UBR3: variants seen among roughly 807,000 people sequenced by gnomAD.
UBR3 encodes E3 ubiquitin-protein ligase UBR3.
A neutral mutation model predicts 243.2 loss-of-function variants in UBR3; 85 were observed. The observed-to-expected ratio is 0.35, with a 90% CI of 0.29 to 0.42. The LOEUF (loss-of-function observed/expected upper bound fraction) is 0.42, where lower values mean the gene tolerates loss of function less well. Among genes scored for constraint, UBR3 ranks in the 10% least tolerant of loss-of-function variants. The probability of loss-of-function intolerance (pLI) is 1.00; values close to 1 mark genes in which losing one functional copy is unlikely to be tolerated. For synonymous variants in UBR3, 748 were observed against 799.8 expected (o/e 0.94, Z 1.09); for missense variants, 1,686 against 2,300.8 (o/e 0.73, Z 5.47).
intron 24 of UBR3, among the ~76,000 whole-genome samples, chr2:169,981,529 GGAAAGTCTGA>G: frequency 6.6e-6 from 1 of 152,004 alleles, no homozygotes; most frequent in East Asian, 1.9e-4. Flanking sequence ...AAGGAAACAA[GGAAAGTCTGA>G]GAAACTGTCA....
chr2:169,926,978 C>G lies in UBR3; in HGVS notation c.2338+7C>G. The G allele has an allele frequency of 6.5e-7, 1 of 1,549,394 alleles. No individual in the cohort carries two copies. Reference sequence around the variant, plus strand: ...AGTCTTCGTTTACATTTAGGTAAAACTCACTGATACTAATACTTATGCATT... The same window carrying G: ...AGTCTTCGTTTACATTTAGGTAAAAGTCACTGATACTAATACTTATGCATT... On this transcript the variant is annotated splice_region_variant and intron_variant, in intron 16 of 38. Coordinates refer to ENST00000272793, the MANE Select transcript of UBR3 (RefSeq NM_172070.4).
chr2:169,913,067 G>A (rs559927686), intron 10 of UBR3, among the ~76,000 whole-genome samples: 3 of 152,164 alleles, frequency 2.0e-5, no homozygotes, highest in Non-Finnish European at 4.4e-5. Flanking sequence ...ATAGGCATGA[G>A]CCACTGTGCC....
intron 11 of UBR3, among the ~76,000 whole-genome samples, chr2:169,920,398 A>C (rs1220034611): frequency 6.6e-6 from 1 of 152,284 alleles, no homozygotes; most frequent in South Asian, 2.1e-4. Context: ...GCACACCAAC[A>C]TGGCACATGT....
intron 30 of UBR3, among the ~76,000 whole-genome samples, chr2:170,024,021 CTT>C (rs1344741468): frequency 6.6e-6 from 1 of 152,068 alleles, no homozygotes; most frequent in Admixed American, 6.6e-5. Flanking sequence ...TGGGATAACT[CTT>C]TAATGTCTTT....
chr2:169,872,629 T>G (rs1284402536), intron 2 of UBR3, among the ~76,000 whole-genome samples: 1 of 152,168 alleles, frequency 6.6e-6, no homozygotes, highest in Non-Finnish European at 1.5e-5. Flanking sequence ...TTTGAGCTTT[T>G]GCAGATGAGG....
chr2:169,961,898 G>A (rs1033932274), intron 24 of UBR3, among the ~76,000 whole-genome samples: 3 of 127,834 alleles, frequency 2.3e-5, no homozygotes, highest in African/African-American at 5.6e-5. Context: ...TTTGATAACT[G>A]GTATAGTCAT....
At position 170,032,292 on chromosome 2, in the gene UBR3, A is replaced by G. The variant is rs1379382067; in HGVS notation, c.4556+2844A>G. Among the ~76,000 whole-genome samples the G allele has an allele frequency of 3.9e-5, 6 of 152,152 alleles. No individual in the cohort carries two copies. The South Asian group carries it at 1.2e-3, about 32-fold the overall frequency. On this transcript the variant is annotated intron_variant, in intron 31 of 38. Transcript: ENST00000272793. ...AACAAAAACAAAAACAGTCACACAT[A>G]TCTGGATATTTGGATTTATAGCAGA...
At chr2:169,993,762 T>A (rs1474231559) in intron 25 of UBR3, among the ~76,000 whole-genome samples, 2 of 152,228 alleles carry the variant, frequency 1.3e-5, no homozygotes, top group Non-Finnish European at 2.9e-5. Flanking sequence ...TTGATTTTCC[T>A]TGCCTGGGTC....
intron 32 of UBR3, among the ~76,000 whole-genome samples, chr2:170,049,655 T>G (rs1574450777): frequency 6.6e-6 from 1 of 152,342 alleles, no homozygotes; most frequent in East Asian, 1.9e-4. Context: ...CTCATGATGG[T>G]CCTTTACCTT....
At chr2:169,970,150 T>A (rs925843992) in intron 24 of UBR3, among the ~76,000 whole-genome samples, 1 of 151,866 alleles carries the variant, frequency 6.6e-6, no homozygotes, top group Non-Finnish European at 1.5e-5. Flanking sequence ...TGTCCATTTT[T>A]TGGTGATGAC....
chr2:169,928,854 T>C lies in UBR3; in HGVS notation c.2552T>C (p.Met851Thr). The stretch of plus-strand genomic sequence containing the variant: ...CCTGGAGGTTCTATGCAACAAGGCA[T>C]GTATACTCCCAAAGGTATGTTTATA... Reference protein sequence around the residue: ...FEPGGSMQQGMYTPKAEVWDQ... With the variant: ...FEPGGSMQQGTYTPKAEVWDQ... The change falls in exon 18 of 39, where the codon ATG becomes ACG. Residue 851 changes from methionine to threonine, a missense_variant. By Grantham distance (81) the Met-to-Thr change is moderately conservative. Transcript: ENST00000272793. The C allele has an allele frequency of 6.8e-7, 1 of 1,475,910 alleles. No homozygotes were observed. Among genetic ancestry groups the C allele is most frequent in the Non-Finnish European group, 9.1e-7 (1 of 1,095,392 alleles). The allele number at this position is 1,475,910 out of a possible 1,614,324, so 91.4% of individuals were successfully genotyped here.
intron 1 of UBR3, among the ~76,000 whole-genome samples, chr2:169,845,523 TCGTCGTCG>T (rs1447821696): frequency 1.4e-5 from 2 of 139,608 alleles, no homozygotes; most frequent in African/African-American, 5.1e-5. Flanking sequence ...GTCGTCGTCG[TCGTCGTCG>T]TCTTCTTCTT....
At chr2:169,834,867 A>G (rs1489330482) in intron 1 of UBR3, among the ~76,000 whole-genome samples, 1 of 152,242 alleles carries the variant, frequency 6.6e-6, no homozygotes, top group Non-Finnish European at 1.5e-5. Context: ...GAATGTTACA[A>G]TGTAGATAAA....
At chr2:169,984,698 A>G (rs1036641066) in intron 24 of UBR3, among the ~76,000 whole-genome samples, 3 of 152,312 alleles carry the variant, frequency 2.0e-5, no homozygotes, top group South Asian at 2.1e-4. Flanking sequence ...TACCAATAAC[A>G]TTTTAATTCA....
intron 1 of UBR3, among the ~76,000 whole-genome samples, chr2:169,846,395 A>G (rs2082478543): frequency 6.6e-6 from 1 of 152,130 alleles, no homozygotes. Context: ...TATTGTCAAC[A>G]TGGCATGTAT....
At chr2:169,983,329 TG>T (rs1266976287) in intron 24 of UBR3, among the ~76,000 whole-genome samples, 1 of 146,094 alleles carries the variant, frequency 6.8e-6, no homozygotes, top group Non-Finnish European at 1.5e-5. Context: ...GGTGTGATCT[TG>T]GCTCACTGTA....
intron 8 of UBR3, among the ~76,000 whole-genome samples, chr2:169,898,703 C>CTTTT (rs1166917127): frequency 1.7e-5 from 2 of 116,262 alleles, no homozygotes; most frequent in African/African-American, 3.2e-5. Context: ...GAGTTTCACT[C>CTTTT]TTTTTTTTTT....
At chr2:169,961,498 C>T (rs372891572) in intron 24 of UBR3, among the ~76,000 whole-genome samples, 4 of 152,102 alleles carry the variant, frequency 2.6e-5, no homozygotes, top group African/African-American at 7.2e-5. Context: ...CTTAATAATG[C>T]ATGTTTGGTA....
intron 35 of UBR3, among the ~76,000 whole-genome samples, chr2:170,066,993 T>TAATAAAAAA (rs71006067): frequency 4.9e-5 from 7 of 144,228 alleles, no homozygotes; most frequent in African/African-American, 1.8e-4. Context: ...ATAATAATAA[T>TAATAAAAAA]AAACTTCATT....
Sources: allele counts gnomAD v4.1 joint callset (sites outside exome capture counted in the v4.1 genomes callset), GRCh38; gene constraint gnomAD v4.1.1; transcripts MANE v1.5; gene names NCBI Gene and HGNC (gene_info 2026-07-23, HGNC 2026-07-21).